The following FBXO27 variants were observed in gnomAD, a reference collection of about 807,000 sequenced individuals.
FBXO27 encodes F-box protein 27, also known as F-box only protein 27.
A neutral mutation model predicts 28.3 loss-of-function variants in FBXO27; 28 were observed. The ratio of observed to expected loss-of-function variants is 0.99; its 90% CI spans 0.73 to 1.36. The LOEUF (loss-of-function observed/expected upper bound fraction) is 1.36. FBXO27 is among the 40% of genes most tolerant of loss of function. The pLI is 0.00. For missense variants in FBXO27, 388 were observed against 394.1 expected (o/e 0.98, Z 0.13); for synonymous variants, 175 against 167.3 (o/e 1.05, Z -0.36).
At chr19:39,012,024 G>A (rs1401435116) in intron 2 of FBXO27, among the ~76,000 whole-genome samples, 3 of 150,728 alleles carry the variant, frequency 2.0e-5, no homozygotes, top group African/African-American at 7.3e-5. Flanking sequence ...TGGTAGAGAC[G>A]TGGTTTCACC....
chr19:39,021,199 G>A (rs901943970), downstream of FBXO27, among the ~76,000 whole-genome samples: 11 of 152,154 alleles, frequency 7.2e-5, no homozygotes, highest in African/African-American at 2.4e-4. Flanking sequence ...GGACCCCTCT[G>A]TGATACAGGA....
intron 2 of FBXO27, among the ~76,000 whole-genome samples, chr19:39,013,826 A>T (rs947135109): frequency 2.6e-5 from 4 of 151,836 alleles, no homozygotes; most frequent in Non-Finnish European, 4.4e-5. Context: ...ATCCTGGCTA[A>T]TACGGTGAAA....
intron 2 of FBXO27, among the ~76,000 whole-genome samples, chr19:39,011,084 A>G (rs2072791823): frequency 6.6e-6 from 1 of 152,212 alleles, no homozygotes; most frequent in Non-Finnish European, 1.5e-5. Flanking sequence ...TTGCAATTCC[A>G]TGTGAATTTT....
At chr19:39,021,496 A>G (rs2072844946), downstream of FBXO27, among the ~76,000 whole-genome samples, 1 of 152,070 alleles carries the variant, frequency 6.6e-6, no homozygotes. Context: ...CTTCCTTATA[A>G]TTTGCTTAAC....
At chr19:39,027,471 C>G (rs919484206) in intron 4 of FBXO27, among the ~76,000 whole-genome samples, 10 of 152,160 alleles carry the variant, frequency 6.6e-5, no homozygotes, top group Admixed American at 6.6e-5. Context: ...AGTGCCAGCA[C>G]GGTAACATGT....
rs866692505 is a variant in FBXO27 at position 39,006,154 on chromosome 19, G to A, written c.252+8233C>T. On this transcript the variant is annotated intron_variant, in intron 2 of 2. Transcript: ENST00000598394. ...AAAACTGGCCTGGCCAGGAGTGGTG[G>A]TTCATGCCTGTAATCTTAGCACTTG... is the stretch of plus-strand genomic sequence containing the variant. 2.0e-5 allele frequency among the ~76,000 whole-genome samples: 3 copies of A among 152,328 alleles called. No individual in the cohort carries two copies. In the South Asian group the frequency reaches 6.2e-4, roughly 32 times the overall value.
chr19:39,026,904 G>C lies in FBXO27; in HGVS notation c.674C>G (p.Pro225Arg), dbSNP rs2072875798. Residue 225 changes from proline (P) to arginine (R), a missense_variant, in exon 5 of 6, where the codon CCC becomes CGC. Physicochemically the swap from Pro to Arg is moderately radical, Grantham distance 103. Coordinates refer to ENST00000292853, the MANE Select transcript of FBXO27 (RefSeq NM_178820.5). Reference sequence around the variant, plus strand: ...GGCATTGTTGTTCCACTGCGGGATGGGATCAGGCACAGCAGAGAATTTATC... The same window carrying C: ...GGCATTGTTGTTCCACTGCGGGATGCGATCAGGCACAGCAGAGAATTTATC... ...VLDKFSAVPD[P>R]IPQWNNNACL... is the part of the protein sequence containing the mutation. The C allele has an allele frequency of 6.2e-7, 1 of 1,614,084 alleles. No homozygotes were observed. The highest frequency in any genetic ancestry group is 2.2e-5 in the East Asian group (1 of 44,900).
chr19:39,028,848 T>C (rs1193898269), intron 4 of FBXO27, among the ~76,000 whole-genome samples: 2 of 150,352 alleles, frequency 1.3e-5, no homozygotes, highest in African/African-American at 4.9e-5. Context: ...GGGTGACAAG[T>C]GAAACTTTGT....
At chr19:39,015,548 GC>G (rs1241397725) in intron 1 of FBXO27, among the ~76,000 whole-genome samples, 1 of 151,772 alleles carries the variant, frequency 6.6e-6, no homozygotes, top group Non-Finnish European at 1.5e-5. Flanking sequence ...GCTCGCTTGA[GC>G]CCAGGAGTTT....
Position 39,025,106 on chromosome 19 carries a change from G to C in FBXO27, c.*305C>G. On this transcript the variant is annotated 3_prime_UTR_variant, in exon 6 of 6. Transcript: ENST00000292853. ...GAGGGTTTTGGTTGGGAGGAGAAGA[G>C]AGGGGAGGGCAAGAATTCTTCTCCA... is the stretch of plus-strand genomic sequence containing the variant. 3.2e-6 allele frequency: 1 copy of C among 316,188 alleles called. No individual in the cohort carries two copies. Among genetic ancestry groups the C allele is most frequent in the Non-Finnish European group, 5.9e-6 (1 of 170,398 alleles). 19.6% of individuals were successfully genotyped at this position (316,188 alleles called of 1,614,324 possible). A position where few individuals can be genotyped will look rare whatever the true frequency, so the allele number is the denominator to read the frequency against.
Position 39,032,138 on chromosome 19 carries a change from G to A in FBXO27, c.90C>T (p.Pro30=). 1 of 1,544,444 alleles carries A rather than the reference G, an allele frequency of 6.5e-7. No individual in the cohort carries two copies. Among genetic ancestry groups the A allele is most frequent in the Non-Finnish European group, 8.7e-7 (1 of 1,151,712 alleles). ...PEEALDLSQL[P]PELLLVVLSH... is the part of the protein sequence containing the mutation. ...TCAGCACCACCAGAAGCAGCTCTGG[G>A]GGTAGTTGGCTCAGGTCCAGCGCCT... Residue 30 remains proline (P), a synonymous_variant, in exon 2 of 6, where the codon CCC becomes CCT. Coordinates refer to ENST00000292853, the MANE Select transcript of FBXO27 (RefSeq NM_178820.5). This position sits in a 1 kb window ranked among gnomAD's most constrained non-coding sequence, Gnocchi z 4.7.
Position 39,025,064 on chromosome 19 carries a change from G to A in FBXO27, c.*347C>T, listed in dbSNP as rs2072864851. The A allele has an allele frequency of 4.1e-6, 1 of 241,972 alleles. No individual in the cohort carries two copies. The highest frequency in any genetic ancestry group is 8.9e-5 in the East Asian group (1 of 11,242). 15.0% of individuals were successfully genotyped at this position (241,972 alleles called of 1,614,324 possible). A position where few individuals can be genotyped will look rare whatever the true frequency, so the allele number is the denominator to read the frequency against. On this transcript the variant is annotated 3_prime_UTR_variant, in exon 6 of 6. Transcript: ENST00000292853. Reference sequence around the variant, plus strand: ...CGGAGGGGAGGGGATGGTACAGAGGGGCCTGGGGCTGGATCGGAGGGTTTT... The same window carrying A: ...CGGAGGGGAGGGGATGGTACAGAGGAGCCTGGGGCTGGATCGGAGGGTTTT...
chr19:39,023,803 CAG>C (rs777875406), downstream of FBXO27, among the ~76,000 whole-genome samples: 4 of 151,998 alleles, frequency 2.6e-5, no homozygotes, highest in Non-Finnish European at 4.4e-5. Context: ...TTAGTAGAGA[CAG>C]GGTTTCACCA....
At chr19:39,023,197 G>A (rs1412476338), downstream of FBXO27, among the ~76,000 whole-genome samples, 8 of 152,266 alleles carry the variant, frequency 5.3e-5, no homozygotes, top group East Asian at 1.5e-3. Context: ...CGGTCCCCCA[G>A]AGTACTGGGA....
rs770533235 is a variant in FBXO27, at chr19:39,031,874, G to A, written c.354C>T (p.Pro118=). 2.7e-6 allele frequency: 4 copies of A among 1,484,512 alleles called. No homozygotes were observed. The African/African-American group carries it at 5.8e-5, about 22-fold the overall frequency. The allele number at this position is 1,484,512 out of a possible 1,614,324, so 92.0% of individuals were successfully genotyped here. The change falls in exon 2 of 6, where the codon CCC becomes CCT. Residue 118 remains proline, a synonymous_variant. Transcript: ENST00000292853. ...RPIGRNLIRN[P]CGQEGLRKWM... Reference sequence around the variant, plus strand: ...CTTCCGAGATCCCACCTTGGCCGCAGGGGTTGCGAATAAGGTTGCGTCCGA... The same window carrying A: ...CTTCCGAGATCCCACCTTGGCCGCAAGGGTTGCGAATAAGGTTGCGTCCGA...
At chr19:39,008,924 A>G (rs2072782416) in intron 2 of FBXO27, among the ~76,000 whole-genome samples, 1 of 152,050 alleles carries the variant, frequency 6.6e-6, no homozygotes, top group African/African-American at 2.4e-5. Flanking sequence ...AAGTTCAAGC[A>G]ATTCTCCTGC....
intron 4 of FBXO27, chr19:39,030,559 G>A (rs2072896299): frequency 5.7e-6 from 1 of 175,392 alleles, no homozygotes; most frequent in African/African-American, 2.4e-5. Flanking sequence ...TGTGTACTCT[G>A]CTAATTACTA....
At position 39,025,458 on chromosome 19, in the gene FBXO27, C is replaced by T. The variant is rs1568459907; in HGVS notation, c.805G>A (p.Ala269Thr). Reference sequence around the variant, plus strand: ...ATCACACTGGAGTTGGTCACACGGGCTCCATAGTGGCCAGCCCAGAACTGT... The same window carrying T: ...ATCACACTGGAGTTGGTCACACGGGTTCCATAGTGGCCAGCCCAGAACTGT... ...DTQFWAGHYGARVTNSSVIVR... is the reference protein window; with the variant it reads ...DTQFWAGHYGTRVTNSSVIVR... The change falls in exon 6 of 6, where the codon GCC becomes ACC. Residue 269 changes from alanine to threonine, a missense_variant. Transcript: ENST00000292853. 1.9e-6 allele frequency: 3 copies of T among 1,614,148 alleles called. No homozygotes were observed. The highest frequency in any genetic ancestry group is 1.7e-4 in the Middle Eastern group (1 of 6,054).
intron 2 of FBXO27, 127 bp from the exon 3 acceptor site, chr19:39,031,447 G>A (rs113593753): frequency 1.3e-6 from 1 of 793,444 alleles, no homozygotes; most frequent in Non-Finnish European, 2.0e-6. Flanking sequence ...TCCCACCGAG[G>A]CCCCGCCCCC....
Sources: gnomAD v4.1 joint callset for allele counts (sites outside exome capture counted in the v4.1 genomes callset) on GRCh38, gnomAD v4.1.1 for gene constraint, Gnocchi (gnomAD v3.1) non-coding constraint, MANE v1.5 for transcripts, NCBI Gene and HGNC (gene_info 2026-07-23, HGNC 2026-07-21) for gene names.